BAZ2B: variants seen among roughly 807,000 people sequenced by gnomAD.
The protein encoded by BAZ2B is bromodomain adjacent to zinc finger domain 2B.
A neutral mutation model predicts 246.0 loss-of-function variants in BAZ2B; 91 were observed. The observed-to-expected ratio is 0.37, with a 90% CI of 0.31 to 0.44. The LOEUF is 0.44. Among genes scored for constraint, BAZ2B ranks in the 20% least tolerant of loss-of-function variants. BAZ2B has a pLI of 1.00. For missense variants in BAZ2B, 2,332 were observed against 2,533.7 expected (o/e 0.92, Z 1.71); for synonymous variants, 855 against 860.0 (o/e 0.99, Z 0.10).
chr2:159,690,055 TC>T, the BAZ2B span: 1 of 437,356 alleles, frequency 2.3e-6, no homozygotes, highest in Non-Finnish European at 4.1e-6. Flanking sequence ...CTGAATGTCT[TC>T]AGTAATCAGT....
intron 13 of BAZ2B, among the ~76,000 whole-genome samples, chr2:159,417,331 C>T (rs969302538): frequency 2.6e-5 from 4 of 151,842 alleles, no homozygotes; most frequent in Admixed American, 6.6e-5. Flanking sequence ...CCACCATACC[C>T]GGCTAATTTT....
intron 25 of BAZ2B, 99 bp downstream of exon 25, chr2:159,382,460 A>T: frequency 7.7e-7 from 1 of 1,291,928 alleles, no homozygotes; most frequent in South Asian, 1.6e-5. Context: ...GTAAATGTCA[A>T]AACTGAATTC....
At chr2:159,624,221 A>C in the BAZ2B span, among the ~76,000 whole-genome samples, 1 of 152,122 alleles carries the variant, frequency 6.6e-6, no homozygotes, top group Non-Finnish European at 1.5e-5. Flanking sequence ...ATAACCCCCA[A>C]CTCCCTGGGA....
At chr2:159,322,265 T>C (rs944117132) in intron 36 of BAZ2B, among the ~76,000 whole-genome samples, 2 of 152,206 alleles carry the variant, frequency 1.3e-5, no homozygotes, top group Admixed American at 6.5e-5. Context: ...TTATTTTTAC[T>C]GAGGTTAAGA....
chr2:159,598,074 A>G (rs1214509613), intron 1 of BAZ2B, among the ~76,000 whole-genome samples: 1 of 151,330 alleles, frequency 6.6e-6, no homozygotes, highest in Non-Finnish European at 1.5e-5. Context: ...GCTCACTGCA[A>G]TCTCTGCCTC....
chr2:159,513,668 C>T (rs1448544259), intron 2 of BAZ2B, among the ~76,000 whole-genome samples: 4 of 152,126 alleles, frequency 2.6e-5, no homozygotes, highest in African/African-American at 9.7e-5. Context: ...TTGGTTGTAC[C>T]TCAAAAACAT....
chr2:159,499,427 T>C (rs1234246508), intron 2 of BAZ2B, among the ~76,000 whole-genome samples: 1 of 152,240 alleles, frequency 6.6e-6, no homozygotes, highest in Non-Finnish European at 1.5e-5. Context: ...CTATCATTGA[T>C]GGGCATTAAA....
chr2:159,383,635 A>C lies in BAZ2B; in HGVS notation c.3732T>G (p.Asp1244Glu), dbSNP rs775478961. 10 of 1,611,698 alleles carry C rather than the reference A, an allele frequency of 6.2e-6. 1 individual carries two copies. The highest frequency in any genetic ancestry group is 2.7e-5 in the African/African-American group (2 of 74,812). Reference protein sequence around the residue: ...NIDYMSNLRRDKWVVEGKLRK... With the variant: ...NIDYMSNLRREKWVVEGKLRK... ...GGAGTTTACCTTCTACCACCCATTT[A>C]TCTCTCCTCAAGTTTGACATATAAT... The change falls in exon 24 of 37, where the codon GAT becomes GAG. Residue 1244 changes from aspartate (D) to glutamate (E), a missense_variant. Asp to Glu is a conservative substitution (Grantham distance 45, BLOSUM62 2). This residue lies in a region of BAZ2B where 328 missense variants were observed against 410.4 expected (regional missense o/e 0.80). Coordinates refer to ENST00000392783, the MANE Select transcript of BAZ2B (RefSeq NM_013450.4).
intron 1 of BAZ2B, among the ~76,000 whole-genome samples, chr2:159,592,537 A>T (rs1277316859): frequency 1.3e-5 from 2 of 152,114 alleles, no homozygotes; most frequent in African/African-American, 2.4e-5. Flanking sequence ...CTTTCACAAC[A>T]TTCTCATTCT....
At chr2:159,697,735 T>C in the BAZ2B span, among the ~76,000 whole-genome samples, 1 of 152,146 alleles carries the variant, frequency 6.6e-6, no homozygotes, top group African/African-American at 2.4e-5. Context: ...ATAAATATCT[T>C]ATATAAATAT....
rs201235112 is a variant in BAZ2B, at chr2:159,450,741, CTT to C, written c.335-2334_335-2333del. On this transcript the variant is annotated intron_variant, in intron 4 of 36. Transcript: ENST00000392783. ...AACAGCATAGTAGCAACATTTAACT[CTT>C]TTTTTTTTTTTTTTGAGACAGAATT... Among the ~76,000 whole-genome samples the C allele has an allele frequency of 4.7e-4, 67 of 143,380 alleles. 1 individual carries two copies. The highest frequency in any genetic ancestry group is 4.6e-4 in the Non-Finnish European group (30 of 65,300). 94.1% of individuals were successfully genotyped at this position (143,380 alleles called of 152,430 possible). A position where few individuals can be genotyped will look rare whatever the true frequency, so the allele number is the denominator to read the frequency against.
At chr2:159,471,432 C>T (rs895348629) in intron 3 of BAZ2B, among the ~76,000 whole-genome samples, 12 of 151,254 alleles carry the variant, frequency 7.9e-5, no homozygotes, top group African/African-American at 2.9e-4. Context: ...TGAGTCTCTA[C>T]AAAAAAAAAT....
At chr2:159,447,695 G>T (rs902474198) in intron 5 of BAZ2B, among the ~76,000 whole-genome samples, 2 of 152,172 alleles carry the variant, frequency 1.3e-5, no homozygotes, top group Non-Finnish European at 2.9e-5. Flanking sequence ...ACATCCATAT[G>T]TAAGTAGTAT....
chr2:159,596,794 C>T (rs6738215), intron 1 of BAZ2B, among the ~76,000 whole-genome samples: 63,036 of 152,058 alleles, frequency 0.41, 13,537 homozygotes, highest in African/African-American at 0.51. Flanking sequence ...TGTTTGGTTT[C>T]CCATTCCTCG....
chr2:159,518,923 G>A (rs10178388), intron 2 of BAZ2B, among the ~76,000 whole-genome samples: 1,717 of 152,256 alleles, frequency 0.011, 11 homozygotes, highest in Middle Eastern at 0.02. Flanking sequence ...CTAGGACTTA[G>A]AATTGAGAGA....
At chr2:159,477,212 C>T (rs1052369900) in intron 3 of BAZ2B, among the ~76,000 whole-genome samples, 1 of 151,852 alleles carries the variant, frequency 6.6e-6, no homozygotes, top group Admixed American at 6.6e-5. Flanking sequence ...GGCTGAGGCA[C>T]AAGAATGGCG....
chr2:159,679,565 A>G, the BAZ2B span, among the ~76,000 whole-genome samples: 1 of 152,208 alleles, frequency 6.6e-6, no homozygotes, highest in Admixed American at 6.5e-5. Context: ...ATTTAACATT[A>G]TAAGCCTTTC....
At chr2:159,588,142 ACGATTGTACCACTGCACTTCAG>A (rs1339364686) in intron 1 of BAZ2B, among the ~76,000 whole-genome samples, 30 of 149,820 alleles carry the variant, frequency 2.0e-4, no homozygotes, top group South Asian at 1.1e-3. Flanking sequence ...GCAGTGAGCT[ACGATTGTACCACTGCACTTCAG>A]CGATTGTACC....
intron 2 of BAZ2B, among the ~76,000 whole-genome samples, chr2:159,553,392 C>CAAAAAAAAAAAAAAA (rs35253250): frequency 3.3e-4 from 24 of 73,814 alleles, no homozygotes; most frequent in African/African-American, 8.0e-4. Flanking sequence ...GACTCTGTCT[C>CAAAAAAAAAAAAAAA]AAAAAAAAAA....
Sources: gnomAD v4.1 joint callset for allele counts (sites outside exome capture counted in the v4.1 genomes callset) on GRCh38, gnomAD v4.1.1 for gene constraint, gnomAD v4.1.1 regional missense constraint, MANE v1.5 for transcripts, NCBI Gene and HGNC (gene_info 2026-07-23, HGNC 2026-07-21) for gene names.